Variants in CNTNAP2 observed in about 807,000 individuals in gnomAD.
CNTNAP2 encodes the protein contactin-associated protein-like 2.
CNTNAP2 carries 98 observed loss-of-function variants against 155.2 expected under a neutral mutation model. That is an observed-to-expected ratio of 0.63 (90% CI 0.54 to 0.75). The LOEUF (loss-of-function observed/expected upper bound fraction) is 0.75, where lower values mean the gene tolerates loss of function less well. Ranked by LOEUF, CNTNAP2 falls within the 30% of genes least tolerant of loss-of-function variation. The pLI is 0.00. For synonymous variants in CNTNAP2, 651 were observed against 631.2 expected, an observed-to-expected ratio of 1.03 and a Z score of -0.47; for missense variants, 1,727 against 1,688.1, an observed-to-expected ratio of 1.02 and a Z score of -0.40.
At chr7:146,722,872 G>C (rs924498786) in intron 1 of CNTNAP2, among the ~76,000 whole-genome samples, 12 of 151,976 alleles carry the variant, frequency 7.9e-5, no homozygotes, top group African/African-American at 2.9e-4. Context: ...AAAATTAGCT[G>C]GGCATAGTGG....
At chr7:147,624,515 A>G (rs1310605361) in intron 12 of CNTNAP2, among the ~76,000 whole-genome samples, 2 of 152,186 alleles carry the variant, frequency 1.3e-5, no homozygotes, top group Non-Finnish European at 2.9e-5. Context: ...AAAGTGCTAG[A>G]CATCATTGAT....
At chr7:146,773,693 C>G (rs867955456) in intron 1 of CNTNAP2, among the ~76,000 whole-genome samples, 1 of 152,238 alleles carries the variant, frequency 6.6e-6, no homozygotes, top group Non-Finnish European at 1.5e-5. Flanking sequence ...CACTCCCAGC[C>G]TCTTTTTTCT....
chr7:146,587,997 C>CGTGTGTGTGT (rs764567174), intron 1 of CNTNAP2, among the ~76,000 whole-genome samples: 3 of 135,780 alleles, frequency 2.2e-5, no homozygotes, highest in Non-Finnish European at 4.6e-5. Flanking sequence ...TCAAACAAAC[C>CGTGTGTGTGT]GTGTGTGTAT....
At chr7:146,999,865 A>T (rs1175061959) in intron 3 of CNTNAP2, among the ~76,000 whole-genome samples, 1 of 152,138 alleles carries the variant, frequency 6.6e-6, no homozygotes, top group South Asian at 2.1e-4. Flanking sequence ...TCTTTTTTAA[A>T]TTAAATCAGA....
At chr7:148,052,143 CA>C (rs750104789) in intron 15 of CNTNAP2, among the ~76,000 whole-genome samples, 1,156 of 96,942 alleles carry the variant, frequency 0.012, 7 homozygotes, top group African/African-American at 0.038. Context: ...ACTCCGTCTC[CA>C]AAAAAAAAAA....
intron 1 of CNTNAP2, among the ~76,000 whole-genome samples, chr7:146,435,286 C>G (rs1522226): frequency 0.036 from 5,417 of 152,146 alleles, 337 homozygotes; most frequent in African/African-American, 0.12. Context: ...ACTTTTTTAA[C>G]TTATAATTCT....
intron 18 of CNTNAP2, among the ~76,000 whole-genome samples, chr7:148,173,765 G>T (rs768867249): frequency 6.6e-5 from 10 of 152,224 alleles, no homozygotes; most frequent in Non-Finnish European, 1.0e-4. Context: ...TTGTAGAAAT[G>T]ACAGTCTTGC....
At chr7:147,974,534 A>G (rs565265161) in intron 14 of CNTNAP2, among the ~76,000 whole-genome samples, 1 of 152,306 alleles carries the variant, frequency 6.6e-6, no homozygotes, top group Admixed American at 6.5e-5. Flanking sequence ...CTGAGGCAGG[A>G]GAATTGCTTG....
chr7:146,497,506 C>T (rs1797236154), intron 1 of CNTNAP2, among the ~76,000 whole-genome samples: 1 of 152,054 alleles, frequency 6.6e-6, no homozygotes, highest in Admixed American at 6.6e-5. Flanking sequence ...TAGCCAACTT[C>T]AGGCTTCTTA....
At chr7:147,457,074 CT>C (rs1205395755) in intron 10 of CNTNAP2, among the ~76,000 whole-genome samples, 1 of 152,124 alleles carries the variant, frequency 6.6e-6, no homozygotes, top group Non-Finnish European at 1.5e-5. Flanking sequence ...TGGACCAGTA[CT>C]TTTCCTTTTT....
intron 13 of CNTNAP2, among the ~76,000 whole-genome samples, chr7:147,667,364 G>T (rs74788728): frequency 0.035 from 5,378 of 152,268 alleles, 160 homozygotes; most frequent in South Asian, 0.12. Flanking sequence ...GTCAATGCTG[G>T]ATGTCAGGTT....
At chr7:147,924,716 G>A (rs1448732088) in intron 14 of CNTNAP2, among the ~76,000 whole-genome samples, 1 of 152,114 alleles carries the variant, frequency 6.6e-6, no homozygotes, top group East Asian at 1.9e-4. Flanking sequence ...CATGGAGAAA[G>A]GTGAAAGATG....
intron 14 of CNTNAP2, among the ~76,000 whole-genome samples, chr7:147,909,286 T>A (rs1194143532): frequency 6.6e-6 from 1 of 152,216 alleles, no homozygotes; most frequent in East Asian, 1.9e-4. Context: ...TTTCAGAATG[T>A]AATTTTTAAC....
At chr7:148,004,854 G>A (rs956556924) in intron 15 of CNTNAP2, among the ~76,000 whole-genome samples, 4 of 152,106 alleles carry the variant, frequency 2.6e-5, no homozygotes, top group Admixed American at 1.3e-4. Flanking sequence ...ACCTGTTCCA[G>A]GAAAGAATGT....
At chr7:148,167,962 A>G (rs1173005273) in intron 17 of CNTNAP2, among the ~76,000 whole-genome samples, 1 of 152,226 alleles carries the variant, frequency 6.6e-6, no homozygotes. Flanking sequence ...ATCTGCCTTA[A>G]TGATATAATA....
intron 13 of CNTNAP2, among the ~76,000 whole-genome samples, chr7:147,835,931 C>T (rs532458693): frequency 8.1e-4 from 124 of 152,288 alleles, no homozygotes; most frequent in African/African-American, 2.7e-3. Flanking sequence ...AACAAACCTC[C>T]TCCCCTGGAG....
At chr7:147,079,874 C>T (rs1328355124) in intron 4 of CNTNAP2, among the ~76,000 whole-genome samples, 1 of 151,996 alleles carries the variant, frequency 6.6e-6, no homozygotes, top group Non-Finnish European at 1.5e-5. Flanking sequence ...GACTTACTGT[C>T]ATGTGTCATC....
chr7:147,057,161 C>A (rs1229431669), intron 4 of CNTNAP2, among the ~76,000 whole-genome samples: 1 of 152,032 alleles, frequency 6.6e-6, no homozygotes, highest in Non-Finnish European at 1.5e-5. Flanking sequence ...TAAGATCTTG[C>A]TGTAAAATAA....
At chr7:147,243,604 A>C (rs1158122537) in intron 8 of CNTNAP2, among the ~76,000 whole-genome samples, 1 of 152,160 alleles carries the variant, frequency 6.6e-6, no homozygotes, top group Non-Finnish European at 1.5e-5. Flanking sequence ...CAATCTATTT[A>C]ATCTATTGCT....
Sources: allele counts gnomAD v4.1 joint callset (sites outside exome capture counted in the v4.1 genomes callset), GRCh38; gene constraint gnomAD v4.1.1; transcripts MANE v1.5; gene names NCBI Gene and HGNC (gene_info 2026-07-23, HGNC 2026-07-21).